AMMECR1: variants seen among roughly 807,000 people sequenced by gnomAD.
AMMECR1 encodes AMMECR nuclear protein 1.
AMMECR1 carries 3 observed loss-of-function variants against 22.5 expected under a neutral mutation model. The observed-to-expected ratio is 0.13, with a 90% CI of 0.06 to 0.35. The LOEUF (loss-of-function observed/expected upper bound fraction) is 0.35. Among genes scored for constraint, AMMECR1 ranks in the 10% least tolerant of loss-of-function variants. The pLI is 1.00. For synonymous variants in AMMECR1, 130 were observed against 116.7 expected (o/e 1.11, Z -0.74); for missense variants, 235 against 278.7 (o/e 0.84, Z 1.12).
chrX:110,246,432 C>A (rs1022243042), intron 2 of AMMECR1, among the ~76,000 whole-genome samples: 5 of 112,349 alleles, frequency 4.5e-5, no homozygotes, highest in African/African-American at 1.6e-4. Flanking sequence ...ATCTTCATTT[C>A]TCACTTCCTT....
rs758447381 is a variant in AMMECR1 at position 110,202,424 on chromosome X, T to C, written c.790+22A>G. On this transcript the variant is annotated intron_variant, in intron 4 of 5. Coordinates refer to ENST00000262844, the MANE Select transcript of AMMECR1 (RefSeq NM_015365.3). ...TGTTTAAATTCTTCACCAGATCATA[T>C]GAAATAAAGTACAACAATGACCTTG... is the stretch of plus-strand genomic sequence containing the variant. 8.8e-6 allele frequency: 10 copies of C among 1,141,916 alleles called. No individual in the cohort carries two copies. In the East Asian group the frequency reaches 9.0e-5, roughly 10 times the overall value. The allele number at this position is 1,141,916 out of a possible 1,213,427, so 94.1% of individuals were successfully genotyped here. A position where few individuals can be genotyped will look rare whatever the true frequency, so the allele number is the denominator to read the frequency against.
At chrX:110,301,823 A>C (rs1264442233) in intron 1 of AMMECR1, among the ~76,000 whole-genome samples, 1 of 112,065 alleles carries the variant, frequency 8.9e-6, no homozygotes, top group Non-Finnish European at 1.9e-5. Context: ...AACCCCCTAA[A>C]ATCCATTCTT....
upstream of AMMECR1, chrX:110,318,248 C>T (rs1348079812): frequency 1.8e-5 from 3 of 167,052 alleles, no homozygotes; most frequent in Non-Finnish European, 2.9e-5. Flanking sequence ...GCGCCCCCGC[C>T]TCGGTGCGCG....
At chrX:110,384,269 T>C (rs2068439732) in intron 2 of AMMECR1, among the ~76,000 whole-genome samples, 1 of 110,255 alleles carries the variant, frequency 9.1e-6, no homozygotes, top group Non-Finnish European at 1.9e-5. Flanking sequence ...TTTGTTGGGG[T>C]CAGTATATTA....
At chrX:110,277,222 T>G (rs2148205544) in intron 1 of AMMECR1, among the ~76,000 whole-genome samples, 1 of 111,533 alleles carries the variant, frequency 9.0e-6, no homozygotes, top group African/African-American at 3.3e-5. Flanking sequence ...TGGTAGGTTT[T>G]ACATATTAAA....
Position 110,335,791 on chromosome X carries a change from T to C in AMMECR1, c.-147-17942A>G, listed in dbSNP as rs748198599. 1.2e-3 allele frequency among the ~76,000 whole-genome samples: 131 copies of C among 112,273 alleles called. 1 individual carries two copies. Among genetic ancestry groups the C allele is most frequent in the African/African-American group, 4.1e-3 (128 of 30,916 alleles). On this transcript the variant is annotated intron_variant, in intron 2 of 7. Coordinates refer to the AMMECR1 transcript ENST00000372057. ...TCATGTACATTCATTTGGCAAATACTCTTTGCGTGCTTAGTACATGCCAGG... is the reference window on the plus strand; with the variant it reads ...TCATGTACATTCATTTGGCAAATACCCTTTGCGTGCTTAGTACATGCCAGG...
intron 2 of AMMECR1, among the ~76,000 whole-genome samples, chrX:110,226,088 T>G (rs946050705): frequency 8.9e-6 from 1 of 112,162 alleles, no homozygotes; most frequent in Non-Finnish European, 1.9e-5. Context: ...AAGCTCCTCA[T>G]CAAGCTCTAG....
At chrX:110,220,378 G>A (rs370520005) in intron 2 of AMMECR1, among the ~76,000 whole-genome samples, 1 of 111,495 alleles carries the variant, frequency 9.0e-6, no homozygotes, top group South Asian at 3.7e-4. Flanking sequence ...TAGCCAAAGG[G>A]TAAACAGAGC....
At chrX:110,261,382 T>C (rs2067740906) in intron 2 of AMMECR1, among the ~76,000 whole-genome samples, 1 of 111,661 alleles carries the variant, frequency 9.0e-6, no homozygotes, top group African/African-American at 3.3e-5. Context: ...TTTTTTGTTT[T>C]GCTTTCTCCC....
chrX:110,345,986 C>G (rs892064326), intron 2 of AMMECR1, among the ~76,000 whole-genome samples: 7 of 111,668 alleles, frequency 6.3e-5, no homozygotes, highest in African/African-American at 1.6e-4. Context: ...TTGGTATTAA[C>G]TATGATCATC....
At chrX:110,243,320 G>C (rs561114892) in intron 2 of AMMECR1, among the ~76,000 whole-genome samples, 1 of 111,959 alleles carries the variant, frequency 8.9e-6, no homozygotes, top group Admixed American at 9.5e-5. Context: ...TTTGGATACA[G>C]TTACACCAAC....
intron 2 of AMMECR1, among the ~76,000 whole-genome samples, chrX:110,415,225 GTGAA>G (rs1461050818): frequency 8.9e-6 from 1 of 112,366 alleles, no homozygotes; most frequent in East Asian, 2.8e-4. Context: ...AATGAATAGA[GTGAA>G]TGAGAGAAGA....
intron 2 of AMMECR1, among the ~76,000 whole-genome samples, chrX:110,250,498 T>C (rs2067681570): frequency 1.8e-5 from 2 of 112,187 alleles, no homozygotes; most frequent in African/African-American, 6.5e-5. Context: ...TGTAAAGCTG[T>C]GTTATCTTAC....
At chrX:110,339,420 AAAAAAC>A (rs1414615537) in intron 2 of AMMECR1, among the ~76,000 whole-genome samples, 3 of 108,147 alleles carry the variant, frequency 2.8e-5, no homozygotes, top group East Asian at 3.0e-4. Flanking sequence ...AAAAAAAAAA[AAAAAAC>A]AAAAAAAGGA....
chrX:110,361,955 C>T (rs973624445), intron 2 of AMMECR1, among the ~76,000 whole-genome samples: 11 of 111,640 alleles, frequency 9.9e-5, no homozygotes, highest in East Asian at 2.8e-4. Flanking sequence ...AAACAGGGAG[C>T]GGGCTAGATT....
At chrX:110,376,075 A>G (rs1021731842) in intron 2 of AMMECR1, among the ~76,000 whole-genome samples, 1 of 111,714 alleles carries the variant, frequency 9.0e-6, no homozygotes. Context: ...ACTTGCTTTT[A>G]AAACCATGGT....
chrX:110,397,994 G>T (rs1187921990), intron 2 of AMMECR1, among the ~76,000 whole-genome samples: 1 of 112,379 alleles, frequency 8.9e-6, no homozygotes, highest in Non-Finnish European at 1.9e-5. Flanking sequence ...TTGACTACCT[G>T]CAAGTCTTAG....
chrX:110,415,959 A>G lies in AMMECR1; in HGVS notation c.-148+10699T>C, dbSNP rs773589601. Among the ~76,000 whole-genome samples, 8 of 109,531 alleles carry G rather than the reference A, an allele frequency of 7.3e-5. No homozygotes were observed. In the South Asian group the frequency reaches 3.3e-3, roughly 45 times the overall value. On this transcript the variant is annotated intron_variant, in intron 2 of 7. Coordinates refer to the AMMECR1 transcript ENST00000372057. ...ATGAAATTGTTCCCTTTACTGCTGC[A>G]AGACTTCCAAAACTATATATCGTGG...
At chrX:110,199,531 A>G (rs1478544041) in intron 5 of AMMECR1, among the ~76,000 whole-genome samples, 2 of 110,834 alleles carry the variant, frequency 1.8e-5, no homozygotes, top group African/African-American at 6.6e-5. Flanking sequence ...GAAGCACCTC[A>G]AATCCAAAAT....
Sources: gnomAD v4.1 joint callset for allele counts (sites outside exome capture counted in the v4.1 genomes callset) on GRCh38, gnomAD v4.1.1 for gene constraint, MANE v1.5 for transcripts, NCBI Gene and HGNC (gene_info 2026-07-23, HGNC 2026-07-21) for gene names.